Variants in ANKRD36 observed in about 807,000 individuals in gnomAD.
ANKRD36 encodes ankyrin repeat domain-containing protein 36A.
ANKRD36 carries 179 observed loss-of-function variants against 278.1 expected under a neutral mutation model. The observed-to-expected ratio is 0.64, with a 90% confidence interval of 0.57 to 0.73. The LOEUF (loss-of-function observed/expected upper bound fraction) is 0.73, where lower values mean the gene tolerates loss of function less well. Ranked by LOEUF, ANKRD36 falls within the 30% of genes least tolerant of loss-of-function variation. The pLI is 0.00. For missense variants in ANKRD36, 1,159 were observed against 1,956.7 expected (o/e 0.59, Z 7.69); for synonymous variants, 320 against 641.1 (o/e 0.50, Z 7.57).
chr2:97,212,448 C>T (rs543783980), intron 58 of ANKRD36, among the ~76,000 whole-genome samples: 2 of 151,986 alleles, frequency 1.3e-5, no homozygotes, highest in African/African-American at 4.8e-5. Context: ...TTGTTGATTT[C>T]AGTTATAAAA....
chr2:97,133,318 G>C lies in ANKRD36; in HGVS notation c.799+6184G>C, dbSNP rs1314187894. ...ACTTAATATGAAATACTAAGTTTCTGTGCTGTTAGATTTTGGAATTTTGGT... is the reference window on the plus strand; with the variant it reads ...ACTTAATATGAAATACTAAGTTTCTCTGCTGTTAGATTTTGGAATTTTGGT... On this transcript the variant is annotated intron_variant, in intron 6 of 75. Coordinates refer to ENST00000420699, the MANE Select transcript of ANKRD36 (RefSeq NM_001354587.1). Among the ~76,000 whole-genome samples, 4 of 151,942 alleles carry C rather than the reference G, an allele frequency of 2.6e-5. 2 individuals carry two copies. Among genetic ancestry groups the C allele is most frequent in the Non-Finnish European group, 5.9e-5 (4 of 68,014 alleles).
intron 34 of ANKRD36, among the ~76,000 whole-genome samples, chr2:97,190,598 T>C (rs909055749): frequency 6.6e-6 from 1 of 151,766 alleles, no homozygotes; most frequent in African/African-American, 2.4e-5. Flanking sequence ...TTTGATTTCC[T>C]GCATGAAAGA....
intron 17 of ANKRD36, among the ~76,000 whole-genome samples, chr2:97,159,883 G>T (rs1196443748): frequency 6.6e-6 from 1 of 151,914 alleles, no homozygotes; most frequent in East Asian, 1.9e-4. Flanking sequence ...CCGGGTTCAC[G>T]CCATTCTCCT....
chr2:97,175,383 A>G (rs1351757508), intron 22 of ANKRD36, among the ~76,000 whole-genome samples: 10 of 151,554 alleles, frequency 6.6e-5, no homozygotes, highest in Admixed American at 2.0e-4. Flanking sequence ...GAATTTATCC[A>G]TTTCTTCTAG....
intron 22 of ANKRD36, among the ~76,000 whole-genome samples, chr2:97,177,801 G>A (rs2054772072): frequency 6.6e-6 from 1 of 151,776 alleles, no homozygotes; most frequent in South Asian, 2.1e-4. Flanking sequence ...CAAAAGCAAT[G>A]GCAACAAAAG....
rs2923990 is a variant in ANKRD36, at chr2:97,154,148, A to G, written c.1194-527A>G. ...TAGTGTTCTAGGGTGAAGAGAATCA[A>G]TGGGCCCTCTTTAAGTAGCTTACAT... On this transcript the variant is annotated intron_variant, in intron 14 of 75. Coordinates refer to ENST00000420699, the MANE Select transcript of ANKRD36 (RefSeq NM_001354587.1). Among the ~76,000 whole-genome samples the G allele has an allele frequency of 2.2e-4, 32 of 146,160 alleles. 2 individuals carry two copies. The highest frequency in any genetic ancestry group is 4.7e-4 in the Admixed American group (7 of 14,740).
At chr2:97,130,488 C>A (rs1346734855) in intron 6 of ANKRD36, among the ~76,000 whole-genome samples, 1 of 151,018 alleles carries the variant, frequency 6.6e-6, no homozygotes, top group Admixed American at 6.6e-5. Context: ...GGAGATCTAC[C>A]TAATGCTAAA....
chr2:97,228,576 T>G (rs2070762045), intron 67 of ANKRD36, among the ~76,000 whole-genome samples: 1 of 152,044 alleles, frequency 6.6e-6, no homozygotes, highest in African/African-American at 2.4e-5. Context: ...GTTGATCCTT[T>G]CAAAAAACCG....
intron 6 of ANKRD36, among the ~76,000 whole-genome samples, chr2:97,141,249 A>G (rs1468067597): frequency 3.4e-5 from 5 of 147,882 alleles, no homozygotes; most frequent in Non-Finnish European, 5.9e-5. Context: ...ATATTTACAT[A>G]TATATATATT....
chr2:97,182,007 G>A (rs1466542032), intron 26 of ANKRD36, among the ~76,000 whole-genome samples: 1 of 151,456 alleles, frequency 6.6e-6, no homozygotes, highest in South Asian at 2.1e-4. Flanking sequence ...TTGGGAAGAA[G>A]AAACGTTGGA....
intron 68 of ANKRD36, among the ~76,000 whole-genome samples, 163 bp from the exon 69 acceptor site, chr2:97,241,103 G>T (rs1484211623): frequency 1.0e-4 from 11 of 110,208 alleles, no homozygotes; most frequent in African/African-American, 3.5e-4. Flanking sequence ...CAGAGGTGTT[G>T]TCTTATCTGC....
At chr2:97,223,967 C>T (rs2068498967) in intron 66 of ANKRD36, among the ~76,000 whole-genome samples, 1 of 145,410 alleles carries the variant, frequency 6.9e-6, no homozygotes, top group South Asian at 2.4e-4. Flanking sequence ...TAGCCAGAAT[C>T]AAGGAAGACT....
In ANKRD36 at chr2:97,158,128, A is replaced by C; in HGVS notation, c.1282A>C (p.Thr428Pro). 6.6e-7 allele frequency: 1 copy of C among 1,514,830 alleles called. No individual in the cohort carries two copies. The highest frequency in any genetic ancestry group is 8.9e-7 in the Non-Finnish European group (1 of 1,127,696). The allele number at this position is 1,514,830 out of a possible 1,614,324, so 93.8% of individuals were successfully genotyped here. ...ESENISEPYF[T>P]NRRTISQQSA... ...CTAGAATATTTCAGAACCATACTTT[A>C]CGAACAGAAGGACTATTTCTCAACA... The change falls in exon 16 of 76, where the codon ACG becomes CCG. Residue 428 changes from threonine to proline, a missense_variant. Transcript: ENST00000420699.
intron 67 of ANKRD36, among the ~76,000 whole-genome samples, chr2:97,227,660 A>G (rs1188026659): frequency 2.0e-5 from 3 of 152,102 alleles, no homozygotes; most frequent in Non-Finnish European, 4.4e-5. Context: ...TTCCAACACT[A>G]TGTTGAATAG....
chr2:97,231,078 CG>C (rs1192476439), intron 67 of ANKRD36, among the ~76,000 whole-genome samples: 2 of 152,100 alleles, frequency 1.3e-5, no homozygotes, highest in Non-Finnish European at 2.9e-5. Context: ...TTAGGCTGCT[CG>C]GGGGTCAGTG....
At chr2:97,227,168 C>A (rs1438806944) in intron 67 of ANKRD36, among the ~76,000 whole-genome samples, 1 of 152,094 alleles carries the variant, frequency 6.6e-6, no homozygotes, top group Non-Finnish European at 1.5e-5. Flanking sequence ...TGAAGAAAGT[C>A]TTTGGGAGCT....
intron 15 of ANKRD36, among the ~76,000 whole-genome samples, chr2:97,156,195 A>G (rs1386498236): frequency 1.4e-5 from 2 of 145,700 alleles, no homozygotes; most frequent in East Asian, 2.0e-4. Flanking sequence ...TATTAAATAC[A>G]TATTTTTCAG....
chr2:97,160,921 T>G (rs2048706505), intron 17 of ANKRD36, among the ~76,000 whole-genome samples: 1 of 152,096 alleles, frequency 6.6e-6, no homozygotes, highest in Non-Finnish European at 1.5e-5. Context: ...ATTCCAGAAA[T>G]AAATGTCTGC....
chr2:97,229,704 A>C (rs1413496903), intron 67 of ANKRD36, among the ~76,000 whole-genome samples: 1,332 of 150,496 alleles, frequency 8.9e-3, no homozygotes, highest in Non-Finnish European at 0.015. Flanking sequence ...TTATTTTGCT[A>C]ATTAGTTAAT....
Sources: gnomAD v4.1 joint callset for allele counts (sites outside exome capture counted in the v4.1 genomes callset) on GRCh38, gnomAD v4.1.1 for gene constraint, MANE v1.5 for transcripts, NCBI Gene and HGNC (gene_info 2026-07-23, HGNC 2026-07-21) for gene names.